Variants in DHX36 observed in about 807,000 individuals in gnomAD.
DHX36 encodes the protein DEAH-box helicase 36.
Under a neutral mutation model 139.0 loss-of-function variants are expected in DHX36, and 50 were observed. The observed-to-expected ratio is 0.36, with a 90% CI of 0.29 to 0.46. DHX36 has a LOEUF of 0.46. Ranked by LOEUF, DHX36 falls within the 20% of genes least tolerant of loss-of-function variation. The probability of loss-of-function intolerance (pLI) is 1.00; values close to 1 mark genes in which losing one functional copy is unlikely to be tolerated. For missense variants in DHX36, 1,024 were observed against 1,211.3 expected (o/e 0.85, Z 2.29); for synonymous variants, 425 against 401.9 (o/e 1.06, Z -0.69).
At position 154,324,463 on chromosome 3, in the gene DHX36, G is replaced by A. The variant is rs769156701; in HGVS notation, c.-47C>T. 5 of 1,441,202 alleles carry A rather than the reference G, an allele frequency of 3.5e-6. No individual in the cohort carries two copies. Among genetic ancestry groups the A allele is most frequent in the African/African-American group, 2.9e-5 (2 of 70,004 alleles). The allele number at this position is 1,441,202 out of a possible 1,614,324, so 89.3% of individuals were successfully genotyped here. A position where few individuals can be genotyped will look rare whatever the true frequency, so the allele number is the denominator to read the frequency against. On this transcript the variant is annotated 5_prime_UTR_variant, in exon 1 of 25. Transcript: ENST00000496811. ...GTCAGAACCAGCAACCGCTGGAAAT[G>A]GCGTCCGGGCCCGGAAGCCACTGTG...
At chr3:154,305,833 T>C (rs912030408) in intron 6 of DHX36, among the ~76,000 whole-genome samples, 2 of 152,112 alleles carry the variant, frequency 1.3e-5, no homozygotes, top group African/African-American at 4.8e-5. Context: ...AAGGACCAAC[T>C]ATGTACTGCA....
intron 10 of DHX36, 113 bp from the exon 11 acceptor site, chr3:154,300,809 G>A (rs755492513): frequency 1.2e-5 from 15 of 1,262,040 alleles, no homozygotes; most frequent in Middle Eastern, 1.9e-4. Context: ...TCTACAGATC[G>A]GAGAGAATTA....
At chr3:154,319,569 CA>C (rs1713113520) in intron 1 of DHX36, among the ~76,000 whole-genome samples, 5 of 152,196 alleles carry the variant, frequency 3.3e-5, no homozygotes, top group Middle Eastern at 3.2e-3. Context: ...GCTAACCCCT[CA>C]ACCTGAGCTC....
In DHX36 at chr3:154,275,155, C is replaced by T. The variant is rs1187677538; in HGVS notation, c.*1016G>A. On this transcript the variant is annotated 3_prime_UTR_variant, in exon 25 of 25. Transcript: ENST00000496811. The stretch of plus-strand genomic sequence containing the variant: ...GGACTGGTTTCCAACCCCAACCCCT[C>T]AAATACCTAAATCCATGGATGCTCA... 1 of 152,138 alleles carries T rather than the reference C, an allele frequency of 6.6e-6. No individual in the cohort carries two copies. Among genetic ancestry groups the T allele is most frequent in the Admixed American group, 6.5e-5 (1 of 15,276 alleles). The allele number at this position is 152,138 out of a possible 1,614,324, so 9.4% of individuals were successfully genotyped here.
Position 154,290,589 on chromosome 3 carries a change from T to C in DHX36, c.1815-763A>G, listed in dbSNP as rs1001335450. ...AGGCAGAGGTTGCAGTGAGCCAAGATCGTGCCATGTACTCCAGTCTGGTGA... is the reference window on the plus strand; with the variant it reads ...AGGCAGAGGTTGCAGTGAGCCAAGACCGTGCCATGTACTCCAGTCTGGTGA... On this transcript the variant is annotated intron_variant, in intron 15 of 24. Coordinates refer to ENST00000496811, the MANE Select transcript of DHX36 (RefSeq NM_020865.3). Among the ~76,000 whole-genome samples the C allele has an allele frequency of 6.4e-5, 9 of 140,326 alleles. No homozygotes were observed. The Admixed American group carries it at 6.9e-4, about 11-fold the overall frequency. 92.1% of individuals were successfully genotyped at this position (140,326 alleles called of 152,430 possible). A position where few individuals can be genotyped will look rare whatever the true frequency, so the allele number is the denominator to read the frequency against.
At chr3:154,292,884 T>C (rs978279691) in intron 14 of DHX36, among the ~76,000 whole-genome samples, 190 bp from the exon 15 acceptor site, 4 of 151,996 alleles carry the variant, frequency 2.6e-5, no homozygotes, top group South Asian at 2.1e-4. Flanking sequence ...ACATTACCAA[T>C]ATTATAGGGA....
intron 4 of DHX36, 22 bp downstream of exon 4, chr3:154,311,610 TTAAA>T (rs1392621454): frequency 7.6e-6 from 12 of 1,584,704 alleles, no homozygotes; most frequent in Non-Finnish European, 9.4e-6. Context: ...GCAAATCAAA[TTAAA>T]TAGTGGAAAA....
At chr3:154,297,500 C>T (rs990013046) in intron 12 of DHX36, among the ~76,000 whole-genome samples, 21 of 152,138 alleles carry the variant, frequency 1.4e-4, no homozygotes, top group Admixed American at 3.3e-4. Context: ...ATTACAAGGT[C>T]AGGAGTTCAA....
intron 1 of DHX36, among the ~76,000 whole-genome samples, chr3:154,319,978 C>T (rs1292312029): frequency 3.9e-5 from 6 of 152,196 alleles, no homozygotes; most frequent in Non-Finnish European, 7.3e-5. Flanking sequence ...TTCTGAATCT[C>T]TGTTTCACTT....
intron 9 of DHX36, among the ~76,000 whole-genome samples, chr3:154,302,117 G>A (rs183597581): frequency 3.3e-3 from 497 of 151,048 alleles, no homozygotes; most frequent in Non-Finnish European, 5.2e-3. Context: ...AGCACAAAGA[G>A]TGCTTCCCTA....
At chr3:154,323,110 G>C (rs530144012) in intron 1 of DHX36, among the ~76,000 whole-genome samples, 1 of 152,302 alleles carries the variant, frequency 6.6e-6, no homozygotes, top group East Asian at 1.9e-4. Flanking sequence ...CGAGTTGGGT[G>C]GATCACCTGA....
chr3:154,320,602 A>G (rs909283701), intron 1 of DHX36, among the ~76,000 whole-genome samples: 6 of 152,182 alleles, frequency 3.9e-5, no homozygotes, highest in African/African-American at 1.2e-4. Context: ...CCCTATAACA[A>G]TATCAAACTC....
At chr3:154,318,290 A>C (rs368032384) in intron 1 of DHX36, among the ~76,000 whole-genome samples, 8 of 152,156 alleles carry the variant, frequency 5.3e-5, no homozygotes, top group East Asian at 3.8e-4. Context: ...TTGTCAGGAC[A>C]TAAAATGTCT....
At chr3:154,314,982 T>C in intron 3 of DHX36, 64 bp downstream of exon 3, 1 of 1,133,252 alleles carries the variant, frequency 8.8e-7, no homozygotes, top group Non-Finnish European at 1.3e-6. Context: ...CCTCTAACCA[T>C]ACATACATTT....
intron 20 of DHX36, among the ~76,000 whole-genome samples, chr3:154,281,825 G>A (rs1477133953): frequency 6.6e-6 from 1 of 151,784 alleles, no homozygotes; most frequent in Non-Finnish European, 1.5e-5. Context: ...ATTCTATTTT[G>A]CATGTGTAAT....
intron 9 of DHX36, 25 bp from the exon 10 acceptor site, chr3:154,301,152 T>C (rs1712260118): frequency 3.2e-6 from 5 of 1,559,288 alleles, no homozygotes; most frequent in South Asian, 1.2e-5. Context: ...TTCTTGAATA[T>C]CTTCACTTTT....
chr3:154,304,093 C>G (rs1411712023), intron 8 of DHX36, among the ~76,000 whole-genome samples: 2 of 152,076 alleles, frequency 1.3e-5, no homozygotes, highest in Non-Finnish European at 2.9e-5. Flanking sequence ...AACACCTACC[C>G]CAACTAATCT....
intron 1 of DHX36, among the ~76,000 whole-genome samples, chr3:154,323,889 G>T (rs1713295702): frequency 6.6e-6 from 1 of 152,084 alleles, no homozygotes; most frequent in South Asian, 2.1e-4. Flanking sequence ...AGTTAATTTC[G>T]GTTGGAACGT....
chr3:154,314,778 A>C (rs991655067), intron 3 of DHX36: 5 of 293,254 alleles, frequency 1.7e-5, no homozygotes, highest in Non-Finnish European at 3.1e-5. Flanking sequence ...AAAGCTGAAG[A>C]GTAAGTTTTT....
Sources: gnomAD v4.1 joint callset for allele counts (sites outside exome capture counted in the v4.1 genomes callset) on GRCh38, gnomAD v4.1.1 for gene constraint, MANE v1.5 for transcripts, NCBI Gene and HGNC (gene_info 2026-07-23, HGNC 2026-07-21) for gene names.